Variants in PDE3A observed in about 807,000 individuals in gnomAD.
PDE3A encodes phosphodiesterase 3A.
Under a neutral mutation model 98.3 loss-of-function variants are expected in PDE3A, and 43 were observed. That is an observed-to-expected ratio of 0.44 (90% confidence interval 0.34 to 0.56). The LOEUF (loss-of-function observed/expected upper bound fraction) is 0.56. PDE3A is among the 20% of genes least tolerant of loss of function. The pLI is 0.01. For synonymous variants in PDE3A, 663 were observed against 567.9 expected, an observed-to-expected ratio of 1.17 and a Z score of -2.38; for missense variants, 1,427 against 1,440.7, an observed-to-expected ratio of 0.99 and a Z score of 0.15.
At chr12:20,376,374 T>G (rs1453759370) in intron 1 of PDE3A, among the ~76,000 whole-genome samples, 1 of 151,874 alleles carries the variant, frequency 6.6e-6, no homozygotes, top group East Asian at 1.9e-4. Flanking sequence ...GCTGCTAACT[T>G]TAACCCTGGG....
intron 1 of PDE3A, among the ~76,000 whole-genome samples, chr12:20,376,949 G>A (rs1013076526): frequency 6.6e-6 from 1 of 151,850 alleles, no homozygotes; most frequent in African/African-American, 2.4e-5. Context: ...GATTATTAAA[G>A]CTTTCAAGTA....
At chr12:20,604,711 G>A (rs948722477) in intron 2 of PDE3A, among the ~76,000 whole-genome samples, 2 of 152,110 alleles carry the variant, frequency 1.3e-5, no homozygotes, top group African/African-American at 4.8e-5. Flanking sequence ...ATAAAAATAT[G>A]ATATAAATTT....
At chr12:20,617,370 G>C (rs557698775) in intron 4 of PDE3A, among the ~76,000 whole-genome samples, 1 of 151,968 alleles carries the variant, frequency 6.6e-6, no homozygotes, top group South Asian at 2.1e-4. Context: ...TATAGAATTG[G>C]AAACAAACTC....
intron 2 of PDE3A, among the ~76,000 whole-genome samples, chr12:20,578,247 A>G (rs1012048918): frequency 2.0e-5 from 3 of 152,130 alleles, no homozygotes; most frequent in African/African-American, 7.2e-5. Context: ...CAGGATAGAC[A>G]AGGTGGTACT....
intron 2 of PDE3A, among the ~76,000 whole-genome samples, chr12:20,607,717 T>C (rs184281024): frequency 8.6e-5 from 13 of 151,780 alleles, no homozygotes; most frequent in African/African-American, 3.1e-4. Context: ...CTTGGTAAGT[T>C]TTTTTTTTTA....
intron 1 of PDE3A, among the ~76,000 whole-genome samples, chr12:20,390,585 CTG>C (rs2120605038): frequency 3.1e-5 from 2 of 64,312 alleles, no homozygotes; most frequent in South Asian, 1.2e-3. Flanking sequence ...GCGCTGGTCA[CTG>C]AGAAAAAAAA....
At chr12:20,375,048 C>T (rs770991669) in intron 1 of PDE3A, among the ~76,000 whole-genome samples, 1 of 151,910 alleles carries the variant, frequency 6.6e-6, no homozygotes, top group Non-Finnish European at 1.5e-5. Flanking sequence ...CATATGTCTC[C>T]TCTTCAGTGG....
At chr12:20,559,645 T>C (rs1942463259) in intron 2 of PDE3A, among the ~76,000 whole-genome samples, 1 of 150,546 alleles carries the variant, frequency 6.6e-6, no homozygotes, top group South Asian at 2.1e-4. Context: ...CACTCCAGCC[T>C]GGGCAACAGA....
At chr12:20,388,217 G>A (rs1189267383) in intron 1 of PDE3A, among the ~76,000 whole-genome samples, 11 of 151,924 alleles carry the variant, frequency 7.2e-5, no homozygotes, top group Non-Finnish European at 1.5e-5. Flanking sequence ...AAACACCCTT[G>A]GAAGTAAAAT....
rs576836815 is a variant in PDE3A at position 20,687,190 on chromosome 12, C to A, written c.*6919C>A. On this transcript the variant is annotated 3_prime_UTR_variant, in exon 16 of 16. Coordinates refer to ENST00000359062, the MANE Select transcript of PDE3A (RefSeq NM_000921.5). Reference sequence around the variant, plus strand: ...AGTATATATACTTCAATAAATAGTTCTTTGTGTATATAAAGTGTTGGTTCA... The same window carrying A: ...AGTATATATACTTCAATAAATAGTTATTTGTGTATATAAAGTGTTGGTTCA... 9.2e-5 allele frequency among the ~76,000 whole-genome samples: 14 copies of A among 152,060 alleles called. No homozygotes were observed. The South Asian group carries it at 1.9e-3, about 20-fold the overall frequency.
chr12:20,390,434 G>T (rs1363644873), intron 1 of PDE3A, among the ~76,000 whole-genome samples: 1 of 148,586 alleles, frequency 6.7e-6, no homozygotes, highest in African/African-American at 2.5e-5. Context: ...AGATAGTAGT[G>T]GTGGGCAGGA....
chr12:20,442,743 A>G (rs1944890325), intron 1 of PDE3A, among the ~76,000 whole-genome samples: 1 of 152,238 alleles, frequency 6.6e-6, no homozygotes, highest in South Asian at 2.1e-4. Context: ...AAACAATCCT[A>G]AAGAGGTGAG....
intron 1 of PDE3A, among the ~76,000 whole-genome samples, chr12:20,487,853 G>A (rs546251419): frequency 1.6e-4 from 25 of 152,074 alleles, no homozygotes; most frequent in Non-Finnish European, 2.8e-4. Flanking sequence ...AGCTAGTCAG[G>A]GAACCTACTA....
intron 15 of PDE3A, among the ~76,000 whole-genome samples, chr12:20,659,062 G>A (rs1426268867): frequency 6.6e-6 from 1 of 152,040 alleles, no homozygotes; most frequent in East Asian, 1.9e-4. Flanking sequence ...CTCCTTTAAG[G>A]CAAGATCTGA....
intron 1 of PDE3A, among the ~76,000 whole-genome samples, chr12:20,459,807 A>G (rs1166688271): frequency 2.5e-4 from 38 of 152,192 alleles, no homozygotes. Context: ...ATAAGCAGTA[A>G]GATATTGAAT....
chr12:20,372,647 A>G (rs1943497258), intron 1 of PDE3A, among the ~76,000 whole-genome samples: 1 of 152,186 alleles, frequency 6.6e-6, no homozygotes, highest in South Asian at 2.1e-4. Context: ...AAAGTGTACC[A>G]CTGTCATTTG....
chr12:20,382,755 T>C (rs554477597), intron 1 of PDE3A, among the ~76,000 whole-genome samples: 1 of 152,106 alleles, frequency 6.6e-6, no homozygotes, highest in African/African-American at 2.4e-5. Flanking sequence ...AAGGTTAAAT[T>C]AATGTAATAA....
At chr12:20,453,272 C>A (rs542533521) in intron 1 of PDE3A, among the ~76,000 whole-genome samples, 1 of 149,228 alleles carries the variant, frequency 6.7e-6, no homozygotes, top group Non-Finnish European at 1.5e-5. Flanking sequence ...CTCCCAGGTT[C>A]AAGCAGTTCT....
chr12:20,556,737 A>G, intron 2 of PDE3A, 27 bp downstream of exon 2: 3 of 1,575,252 alleles, frequency 1.9e-6, no homozygotes, highest in Non-Finnish European at 2.6e-6. Context: ...TTTCTTTTTC[A>G]CGTTTCGTTT....
Sources: gnomAD v4.1 joint callset for allele counts (sites outside exome capture counted in the v4.1 genomes callset) on GRCh38, gnomAD v4.1.1 for gene constraint, MANE v1.5 for transcripts, NCBI Gene and HGNC (gene_info 2026-07-23, HGNC 2026-07-21) for gene names.